EPHA6: variants seen among roughly 807,000 people sequenced by gnomAD.
EPHA6 encodes the protein EPH receptor A6.
Under a neutral mutation model 112.0 loss-of-function variants are expected in EPHA6, and 50 were observed. The ratio of observed to expected loss-of-function variants is 0.45; its 90% CI spans 0.36 to 0.56. EPHA6 has a LOEUF of 0.56. Among genes scored for constraint, EPHA6 ranks in the 20% least tolerant of loss-of-function variants. EPHA6 has a pLI of 0.00. For synonymous variants in EPHA6, 529 were observed against 490.7 expected, an observed-to-expected ratio of 1.08 and a Z score of -1.03; for missense variants, 1,280 against 1,417.4, an observed-to-expected ratio of 0.90 and a Z score of 1.56.
chr3:97,605,066 G>A (rs28566829), intron 12 of EPHA6, among the ~76,000 whole-genome samples: 41,257 of 151,286 alleles, frequency 0.27, 7,495 homozygotes, highest in East Asian at 0.51. Flanking sequence ...ATACTGTACC[G>A]TAAGTGTTCT....
intron 14 of EPHA6, among the ~76,000 whole-genome samples, chr3:97,638,806 G>C (rs1300858204): frequency 6.6e-6 from 1 of 152,026 alleles, no homozygotes; most frequent in Non-Finnish European, 1.5e-5. Flanking sequence ...GTTATATTCT[G>C]TTATTTTTTT....
intron 14 of EPHA6, among the ~76,000 whole-genome samples, chr3:97,715,788 T>C (rs759928455): frequency 1.3e-5 from 2 of 152,190 alleles, no homozygotes; most frequent in Non-Finnish European, 2.9e-5. Flanking sequence ...GTACTTCTTG[T>C]TCCCTCATTA....
chr3:97,652,619 T>G (rs2094114941), intron 14 of EPHA6, among the ~76,000 whole-genome samples: 1 of 152,006 alleles, frequency 6.6e-6, no homozygotes, highest in Admixed American at 6.6e-5. Context: ...CCCTTTCACT[T>G]TCTTTATTGC....
intron 6 of EPHA6, among the ~76,000 whole-genome samples, chr3:97,419,062 T>C (rs1229396083): frequency 6.6e-6 from 1 of 152,150 alleles, no homozygotes; most frequent in Non-Finnish European, 1.5e-5. Context: ...CCCAGCACTT[T>C]GGCAAGCCAA....
chr3:97,410,065 T>C (rs1019061094), intron 6 of EPHA6, among the ~76,000 whole-genome samples: 4 of 152,092 alleles, frequency 2.6e-5, no homozygotes, highest in Non-Finnish European at 2.9e-5. Flanking sequence ...GAAATATTTT[T>C]ATCAATCAGG....
At chr3:97,591,457 G>A (rs2093543743) in intron 11 of EPHA6, among the ~76,000 whole-genome samples, 1 of 152,164 alleles carries the variant, frequency 6.6e-6, no homozygotes, top group Admixed American at 6.6e-5. Context: ...TGAAAGGAAA[G>A]ACCCCAGGAT....
At chr3:97,009,639 A>G (rs78221381) in intron 3 of EPHA6, among the ~76,000 whole-genome samples, 4,451 of 152,294 alleles carry the variant, frequency 0.029, 217 homozygotes, top group African/African-American at 0.098. Context: ...CCCTCCCCCA[A>G]GGAGTTTCGT....
chr3:97,531,494 G>A lies in EPHA6; in HGVS notation c.2201-864G>A, dbSNP rs537956702. Among the ~76,000 whole-genome samples, 156 of 151,974 alleles carry A rather than the reference G, an allele frequency of 1.0e-3. 1 individual carries two copies. The highest frequency in any genetic ancestry group is 3.6e-3 in the African/African-American group (148 of 41,510). ...TGCTTCTCTCAAATACCTAAATCCT[G>A]CTCATCTCTCAAGGTCTAGCATAAG... is the stretch of plus-strand genomic sequence containing the variant. On this transcript the variant is annotated intron_variant, in intron 10 of 17. Coordinates refer to ENST00000389672, the MANE Select transcript of EPHA6 (RefSeq NM_001080448.3).
At chr3:97,229,073 G>GT (rs548659518) in intron 4 of EPHA6, among the ~76,000 whole-genome samples, 8 of 151,552 alleles carry the variant, frequency 5.3e-5, no homozygotes, top group Non-Finnish European at 8.8e-5. Flanking sequence ...GGATTATTTG[G>GT]TTTTTTTTCT....
rs1294589820 is a variant in EPHA6 at position 97,075,334 on chromosome 3, T to A, written c.1114+87341T>A. ...GCAAACTGGATAACTAGATGTCGCA[T>A]GTTCCAGAATTTTTCCAATTTTGTG... On this transcript the variant is annotated intron_variant, in intron 3 of 17. Transcript: ENST00000389672. 2.0e-5 allele frequency among the ~76,000 whole-genome samples: 3 copies of A among 152,064 alleles called. No homozygotes were observed. The East Asian group carries it at 5.8e-4, about 29-fold the overall frequency.
intron 5 of EPHA6, among the ~76,000 whole-genome samples, chr3:97,364,228 G>C (rs1461240899): frequency 6.6e-6 from 1 of 151,820 alleles, no homozygotes; most frequent in Non-Finnish European, 1.5e-5. Flanking sequence ...GAAAAATTAC[G>C]AGGACACAGA....
intron 2 of EPHA6, among the ~76,000 whole-genome samples, chr3:96,979,519 A>G (rs1382324826): frequency 6.6e-6 from 1 of 152,190 alleles, no homozygotes; most frequent in East Asian, 1.9e-4. Context: ...ATATGTGTGC[A>G]TGTGCCTTTA....
intron 7 of EPHA6, among the ~76,000 whole-genome samples, chr3:97,450,624 C>T (rs1377724731): frequency 6.6e-6 from 1 of 151,946 alleles, no homozygotes; most frequent in Non-Finnish European, 1.5e-5. Flanking sequence ...ACTCATTGTA[C>T]TTTCAAGACA....
chr3:97,688,317 T>C (rs531709507), intron 14 of EPHA6, among the ~76,000 whole-genome samples: 1 of 152,272 alleles, frequency 6.6e-6, no homozygotes, highest in African/African-American at 2.4e-5. Context: ...GAATAGTATG[T>C]GTTTCTACCA....
chr3:97,001,782 A>C (rs1301009744), intron 3 of EPHA6, among the ~76,000 whole-genome samples: 1 of 152,052 alleles, frequency 6.6e-6, no homozygotes, highest in African/African-American at 2.4e-5. Context: ...CATGAAAAGA[A>C]GCATGCTGTA....
intron 11 of EPHA6, among the ~76,000 whole-genome samples, chr3:97,543,271 A>G (rs529753179): frequency 1.2e-4 from 19 of 152,242 alleles, no homozygotes; most frequent in South Asian, 4.1e-4. Context: ...TGATTTTTGT[A>G]TAAGGTGTAA....
intron 10 of EPHA6, among the ~76,000 whole-genome samples, chr3:97,493,936 T>G (rs1444148401): frequency 2.0e-5 from 3 of 152,108 alleles, no homozygotes; most frequent in African/African-American, 7.2e-5. Context: ...GATGGTACAA[T>G]TTCAGTTACT....
chr3:97,367,202 A>G (rs866103908), intron 5 of EPHA6, among the ~76,000 whole-genome samples: 16 of 152,360 alleles, frequency 1.1e-4, no homozygotes, highest in Admixed American at 2.6e-4. Flanking sequence ...TACATACACT[A>G]CAGTAATACA....
chr3:97,713,977 C>T (rs2034101671), intron 14 of EPHA6, among the ~76,000 whole-genome samples: 1 of 152,212 alleles, frequency 6.6e-6, no homozygotes, highest in South Asian at 2.1e-4. Context: ...GACCAAGACA[C>T]ACAGATTTCC....
Sources: allele counts gnomAD v4.1 joint callset (sites outside exome capture counted in the v4.1 genomes callset), GRCh38; gene constraint gnomAD v4.1.1; transcripts MANE v1.5; gene names NCBI Gene and HGNC (gene_info 2026-07-23, HGNC 2026-07-21).